Variants in EFL1 observed in about 807,000 individuals in gnomAD.
The protein encoded by EFL1 is elongation factor-like GTPase 1.
Under a neutral mutation model 126.7 loss-of-function variants are expected in EFL1, and 76 were observed. The ratio of observed to expected loss-of-function variants is 0.60; its 90% confidence interval spans 0.50 to 0.73. The LOEUF is 0.73. Among genes scored for constraint, EFL1 ranks in the 30% least tolerant of loss-of-function variants. The pLI, the probability that EFL1 is intolerant of heterozygous loss-of-function variation, is 0.00. For missense variants in EFL1, 1,128 were observed against 1,343.2 expected, an observed-to-expected ratio of 0.84 and a Z score of 2.50; for synonymous variants, 410 against 448.4, an observed-to-expected ratio of 0.91 and a Z score of 1.08.
intron 7 of EFL1, among the ~76,000 whole-genome samples, chr15:82,234,716 C>T (rs1364571925): frequency 2.0e-5 from 3 of 152,036 alleles, no homozygotes; most frequent in Non-Finnish European, 4.4e-5. Flanking sequence ...TCTTTCTTTC[C>T]AATTCTAAGT....
At chr15:82,163,509 C>G (rs2074044727) in intron 16 of EFL1, among the ~76,000 whole-genome samples, 1 of 152,142 alleles carries the variant, frequency 6.6e-6, no homozygotes, top group African/African-American at 2.4e-5. Context: ...GTACTCTAGC[C>G]TGCGCAACAG....
intron 15 of EFL1, among the ~76,000 whole-genome samples, chr15:82,169,863 A>G (rs1160086147): frequency 1.3e-5 from 2 of 152,228 alleles, no homozygotes; most frequent in African/African-American, 4.8e-5. Flanking sequence ...ATGAGTGCAC[A>G]TAAGCACAGT....
intron 8 of EFL1, among the ~76,000 whole-genome samples, chr15:82,229,604 T>G (rs903680283): frequency 6.6e-6 from 1 of 152,158 alleles, no homozygotes; most frequent in Non-Finnish European, 1.5e-5. Context: ...AGGGGTATAC[T>G]CTTCCATACA....
chr15:82,138,849 AAC>A lies in EFL1; in HGVS notation c.2990-9_2990-8del. 2 of 1,610,598 alleles carry A rather than the reference AAC, an allele frequency of 1.2e-6. No individual in the cohort carries two copies. The highest frequency in any genetic ancestry group is 1.7e-6 in the Non-Finnish European group (2 of 1,178,038). On this transcript the variant is annotated splice_polypyrimidine_tract_variant and splice_region_variant and intron_variant, in intron 18 of 19. Coordinates refer to ENST00000268206, the MANE Select transcript of EFL1 (RefSeq NM_024580.6). ...AAGACAGCATAGACTCGACCTGTAA[AAC>A]CATAAATCTTTTAAAATCATGGATC...
chr15:82,181,956 T>C (rs1316039066), intron 15 of EFL1, among the ~76,000 whole-genome samples: 1 of 152,202 alleles, frequency 6.6e-6, no homozygotes, highest in East Asian at 1.9e-4. Context: ...AAGCATTGCA[T>C]TTAGTTCAAA....
chr15:82,131,837 TCAG>T (rs2073650161), intron 19 of EFL1, among the ~76,000 whole-genome samples: 10 of 151,992 alleles, frequency 6.6e-5, no homozygotes, highest in Non-Finnish European at 1.5e-4. Context: ...GAATTTCACC[TCAG>T]TACATTATTT....
chr15:82,234,643 A>G (rs1485125365), intron 7 of EFL1, among the ~76,000 whole-genome samples: 1 of 152,182 alleles, frequency 6.6e-6, no homozygotes, highest in Non-Finnish European at 1.5e-5. Flanking sequence ...CATTTTAAAA[A>G]ACGGAGCCAG....
At chr15:82,142,207 A>C (rs181133085) in intron 18 of EFL1, among the ~76,000 whole-genome samples, 1 of 152,328 alleles carries the variant, frequency 6.6e-6, no homozygotes, top group Admixed American at 6.5e-5. Context: ...CAGTCACTTA[A>C]ATAAAGATCA....
intron 18 of EFL1, among the ~76,000 whole-genome samples, chr15:82,146,313 G>A (rs979561435): frequency 5.3e-5 from 8 of 152,102 alleles, no homozygotes; most frequent in Admixed American, 2.6e-4. Flanking sequence ...AACTTGTGCC[G>A]ATTCTTGGAG....
At chr15:82,179,758 T>A (rs2141258248) in intron 15 of EFL1, among the ~76,000 whole-genome samples, 1 of 141,152 alleles carries the variant, frequency 7.1e-6, no homozygotes, top group East Asian at 2.1e-4. Flanking sequence ...TTGGACTAAC[T>A]GGTGGGGACA....
At chr15:82,247,905 A>G (rs2074988079) in intron 4 of EFL1, among the ~76,000 whole-genome samples, 2 of 152,114 alleles carry the variant, frequency 1.3e-5, no homozygotes, top group Admixed American at 1.3e-4. Flanking sequence ...CAAGACGTGC[A>G]TAACAATCCC....
intron 8 of EFL1, 65 bp downstream of exon 8, chr15:82,230,783 T>G: frequency 6.6e-7 from 1 of 1,516,470 alleles, no homozygotes; most frequent in South Asian, 1.4e-5. Flanking sequence ...TTAAAGATAT[T>G]ACAGTATAGG....
At chr15:82,177,323 T>C (rs546153019) in intron 15 of EFL1, among the ~76,000 whole-genome samples, 1 of 152,264 alleles carries the variant, frequency 6.6e-6, no homozygotes, top group South Asian at 2.1e-4. Context: ...CTAATAAAAA[T>C]AAACCATTTC....
chr15:82,235,960 G>C (rs2074868671), intron 7 of EFL1, among the ~76,000 whole-genome samples: 1 of 152,004 alleles, frequency 6.6e-6, no homozygotes, highest in Non-Finnish European at 1.5e-5. Context: ...ACAAAGAACT[G>C]CAAGTGAGTT....
At chr15:82,177,441 C>A (rs899924993) in intron 15 of EFL1, among the ~76,000 whole-genome samples, 4 of 152,078 alleles carry the variant, frequency 2.6e-5, no homozygotes, top group South Asian at 2.1e-4. Context: ...GCTTTCATTG[C>A]GAAGTCTTTA....
At chr15:82,145,551 G>A (rs1213643198) in intron 18 of EFL1, among the ~76,000 whole-genome samples, 1 of 151,700 alleles carries the variant, frequency 6.6e-6, no homozygotes, top group African/African-American at 2.4e-5. Context: ...TCTTAACGAG[G>A]CTGGGCACGG....
chr15:82,202,454 A>G (rs1440673765), intron 15 of EFL1, among the ~76,000 whole-genome samples: 2 of 152,204 alleles, frequency 1.3e-5, no homozygotes, highest in African/African-American at 4.8e-5. Flanking sequence ...ATATTTCCCA[A>G]GGAAATCAGT....
intron 15 of EFL1, among the ~76,000 whole-genome samples, chr15:82,166,074 G>A (rs1269511814): frequency 6.6e-6 from 1 of 152,190 alleles, no homozygotes; most frequent in South Asian, 2.1e-4. Context: ...TCTCCCTAGA[G>A]GCTAAGGGTT....
At chr15:82,236,981 A>G (rs2074879395) in intron 7 of EFL1, among the ~76,000 whole-genome samples, 1 of 152,148 alleles carries the variant, frequency 6.6e-6, no homozygotes, top group African/African-American at 2.4e-5. Context: ...CTCTACTAAA[A>G]GAAACACAAA....
Sources: gnomAD v4.1 joint callset for allele counts (sites outside exome capture counted in the v4.1 genomes callset) on GRCh38, gnomAD v4.1.1 for gene constraint, MANE v1.5 for transcripts, NCBI Gene and HGNC (gene_info 2026-07-23, HGNC 2026-07-21) for gene names.